RAP1GAP2: variants seen among roughly 807,000 people sequenced by gnomAD.
The protein encoded by RAP1GAP2 is RAP1 GTPase activating protein 2.
In RAP1GAP2, 27 loss-of-function variants were observed where a neutral mutation model predicts 95.0. The ratio of observed to expected loss-of-function variants is 0.28; its 90% CI spans 0.21 to 0.39. The LOEUF is 0.39. RAP1GAP2 is among the 10% of genes least tolerant of loss of function. The pLI is 1.00. For missense variants in RAP1GAP2, 771 were observed against 970.0 expected (o/e 0.79, Z 2.72); for synonymous variants, 373 against 380.9 (o/e 0.98, Z 0.24).
chr17:2,995,313 T>C, intron 12 of RAP1GAP2, 24 bp from the exon 13 acceptor site: 1 of 1,610,720 alleles, frequency 6.2e-7, no homozygotes, highest in Non-Finnish European at 8.5e-7. Flanking sequence ...TTTCTCCCCA[T>C]CTCCTGCCCT....
chr17:2,930,380 C>A (rs1406297381), intron 3 of RAP1GAP2, among the ~76,000 whole-genome samples: 1 of 152,346 alleles, frequency 6.6e-6, no homozygotes, highest in South Asian at 2.1e-4. Flanking sequence ...GAACTGGGAC[C>A]CTGCCCTGCG....
At chr17:2,920,411 G>A (rs1350625107) in intron 3 of RAP1GAP2, among the ~76,000 whole-genome samples, 2 of 152,132 alleles carry the variant, frequency 1.3e-5, no homozygotes, top group South Asian at 4.1e-4. Flanking sequence ...GCCTTTGGAA[G>A]CCTGACCAGC....
intron 12 of RAP1GAP2, among the ~76,000 whole-genome samples, chr17:2,991,838 C>T (rs1034958862): frequency 2.0e-5 from 3 of 152,062 alleles, no homozygotes; most frequent in African/African-American, 7.2e-5. Flanking sequence ...GATCTCAGCT[C>T]ACTGCAACCT....
chr17:2,878,621 G>A (rs917818220), intron 2 of RAP1GAP2, among the ~76,000 whole-genome samples: 83 of 152,220 alleles, frequency 5.5e-4, no homozygotes, highest in Admixed American at 5.4e-3. Flanking sequence ...GGTTCCTGCT[G>A]GTTCATCAGC....
chr17:3,025,308 C>T (rs769854059), intron 19 of RAP1GAP2, among the ~76,000 whole-genome samples: 3 of 152,124 alleles, frequency 2.0e-5, no homozygotes, highest in Non-Finnish European at 2.9e-5. Context: ...ACCTGGGAGG[C>T]GGAGGTTGCA....
At chr17:2,892,077 A>G (rs1236397808) in intron 2 of RAP1GAP2, among the ~76,000 whole-genome samples, 77 of 147,594 alleles carry the variant, frequency 5.2e-4, no homozygotes, top group Admixed American at 8.2e-4. Flanking sequence ...GCCTGTCTCG[A>G]CCTCCCAAAG....
chr17:2,803,951 G>A (rs139047502), intron 2 of RAP1GAP2, among the ~76,000 whole-genome samples: 101 of 152,278 alleles, frequency 6.6e-4, no homozygotes, highest in African/African-American at 2.1e-3. Context: ...AGTGTGGTAC[G>A]GACATAAAGA....
rs1241791984 is a variant in RAP1GAP2, at chr17:2,903,744, G to A, written c.81-1540G>A. Reference sequence around the variant, plus strand: ...CCCAGGCCCCTGATGTGGCTCCCTAGTTGGCCACAGGGAGGGCTGGCTGGT... The same window carrying A: ...CCCAGGCCCCTGATGTGGCTCCCTAATTGGCCACAGGGAGGGCTGGCTGGT... On this transcript the variant is annotated intron_variant, in intron 2 of 24. Coordinates refer to ENST00000254695, the MANE Select transcript of RAP1GAP2 (RefSeq NM_015085.5). This position sits in a 1 kb window ranked among gnomAD's most constrained non-coding sequence, Gnocchi z 4.1. 2.0e-5 allele frequency among the ~76,000 whole-genome samples: 2 copies of A among 97,724 alleles called. No homozygotes were observed. Among genetic ancestry groups the A allele is most frequent in the Non-Finnish European group, 4.8e-5 (2 of 41,954 alleles). 64.1% of individuals were successfully genotyped at this position (97,724 alleles called of 152,430 possible).
chr17:3,022,317 A>G (rs925483185), intron 19 of RAP1GAP2, among the ~76,000 whole-genome samples: 1 of 152,226 alleles, frequency 6.6e-6, no homozygotes, highest in Non-Finnish European at 1.5e-5. Context: ...GCTGGTGGGA[A>G]TGTAAAATAG....
At chr17:3,030,853 C>G (rs1597917142) in intron 22 of RAP1GAP2, 69 bp from the exon 23 acceptor site, 1 of 1,448,434 alleles carries the variant, frequency 6.9e-7, no homozygotes, top group East Asian at 2.4e-5. Context: ...CCTCCCTAGC[C>G]AGTCCCCACA....
At chr17:2,795,427 A>G (rs1442312352), upstream of RAP1GAP2, among the ~76,000 whole-genome samples, 1 of 152,192 alleles carries the variant, frequency 6.6e-6, no homozygotes, top group Non-Finnish European at 1.5e-5. Context: ...AGGACACGCT[A>G]GCCCTGTGGC....
At chr17:2,953,715 C>T (rs1373122961) in intron 3 of RAP1GAP2, among the ~76,000 whole-genome samples, 2 of 151,982 alleles carry the variant, frequency 1.3e-5, no homozygotes, top group South Asian at 2.1e-4. Context: ...GGCATGGGGG[C>T]GCATGCCTGT....
chr17:2,982,818 GGT>G (rs912961497), intron 10 of RAP1GAP2, among the ~76,000 whole-genome samples: 2 of 151,994 alleles, frequency 1.3e-5, no homozygotes, highest in African/African-American at 4.8e-5. Context: ...CTCGGGCCTT[GGT>G]CATAATGGAA....
chr17:2,899,474 G>A (rs1189465662), intron 2 of RAP1GAP2, among the ~76,000 whole-genome samples: 2 of 151,786 alleles, frequency 1.3e-5, no homozygotes, highest in Non-Finnish European at 2.9e-5. Context: ...GCTTCCCAAA[G>A]TGCTGGGATT....
At chr17:2,812,988 C>G (rs1020149876) in intron 2 of RAP1GAP2, among the ~76,000 whole-genome samples, 3 of 88,474 alleles carry the variant, frequency 3.4e-5, no homozygotes, top group African/African-American at 1.1e-4. Flanking sequence ...GAAACTCCGT[C>G]TCAAAAAAAA....
intron 3 of RAP1GAP2, among the ~76,000 whole-genome samples, chr17:2,922,943 A>G (rs1043125294): frequency 6.7e-6 from 1 of 149,044 alleles, no homozygotes; most frequent in East Asian, 2.0e-4. Flanking sequence ...TCATGGCACG[A>G]CCTTGGCTCA....
chr17:2,920,361 C>T (rs902506581), intron 3 of RAP1GAP2, among the ~76,000 whole-genome samples: 9 of 152,138 alleles, frequency 5.9e-5, no homozygotes, highest in Non-Finnish European at 1.2e-4. Context: ...CAGGGGATGC[C>T]CCCAGGGGCC....
At chr17:2,832,305 T>C (rs566811706) in intron 2 of RAP1GAP2, among the ~76,000 whole-genome samples, 2 of 151,218 alleles carry the variant, frequency 1.3e-5, no homozygotes, top group Admixed American at 6.6e-5. Flanking sequence ...ATGCCTGTAA[T>C]CCCAGCACTT....
chr17:2,760,411 G>A (rs2151755138), intron 1 of RAP1GAP2, among the ~76,000 whole-genome samples: 1 of 150,814 alleles, frequency 6.6e-6, no homozygotes, highest in East Asian at 2.0e-4. Flanking sequence ...CGCAATCTCA[G>A]CTCACTGCAG....
Sources: allele counts gnomAD v4.1 joint callset (sites outside exome capture counted in the v4.1 genomes callset), GRCh38; gene constraint gnomAD v4.1.1; non-coding constraint Gnocchi (gnomAD v3.1); transcripts MANE v1.5; gene names NCBI Gene and HGNC (gene_info 2026-07-23, HGNC 2026-07-21).